The following IGF2BP3 variants were observed in gnomAD, a reference collection of about 807,000 sequenced individuals.
IGF2BP3 encodes insulin like growth factor 2 mRNA binding protein 3.
IGF2BP3 carries 9 observed loss-of-function variants against 73.8 expected under a neutral mutation model. That is an observed-to-expected ratio of 0.12 (90% confidence interval 0.07 to 0.21). IGF2BP3 has a LOEUF of 0.21. IGF2BP3 is among the 10% of genes least tolerant of loss of function. The pLI, the probability that IGF2BP3 is intolerant of heterozygous loss-of-function variation, is 1.00. For missense variants in IGF2BP3, 542 were observed against 714.0 expected, an observed-to-expected ratio of 0.76 and a Z score of 2.75; for synonymous variants, 258 against 256.7, an observed-to-expected ratio of 1.01 and a Z score of -0.05.
chr7:23,365,223 T>C (rs1785339654), intron 3 of IGF2BP3, among the ~76,000 whole-genome samples: 2 of 152,112 alleles, frequency 1.3e-5, no homozygotes, highest in Admixed American at 1.3e-4. Context: ...TTATAGCAAC[T>C]TGGATGGAGG....
intron 2 of IGF2BP3, among the ~76,000 whole-genome samples, chr7:23,423,433 G>C (rs1357628087): frequency 6.6e-6 from 1 of 152,166 alleles, no homozygotes; most frequent in Non-Finnish European, 1.5e-5. Context: ...TATTTTAATA[G>C]AGTGTTTCTA....
At chr7:23,440,871 A>G (rs1440329502) in intron 2 of IGF2BP3, among the ~76,000 whole-genome samples, 3 of 152,254 alleles carry the variant, frequency 2.0e-5, no homozygotes, top group Non-Finnish European at 4.4e-5. Context: ...AACCTTGAAC[A>G]TAAGAATACA....
Position 23,443,853 on chromosome 7 carries a change from C to T in IGF2BP3, c.236+24629G>A, listed in dbSNP as rs187094340. On this transcript the variant is annotated intron_variant, in intron 2 of 14. Coordinates refer to ENST00000258729, the MANE Select transcript of IGF2BP3 (RefSeq NM_006547.3). ...TGAAACCCCGTCTCTACTAAAAATA[C>T]AGAAAATTAGCCAGGCATGGTGGCA... Among the ~76,000 whole-genome samples, 768 of 151,230 alleles carry T rather than the reference C, an allele frequency of 5.1e-3. 2 individuals are homozygous for T. Among genetic ancestry groups the T allele is most frequent in the Non-Finnish European group, 8.0e-3 (542 of 67,890 alleles).
chr7:23,390,725 A>G (rs1002020668), intron 3 of IGF2BP3, among the ~76,000 whole-genome samples: 1 of 152,056 alleles, frequency 6.6e-6, no homozygotes, highest in African/African-American at 2.4e-5. Context: ...ACAACTGTAC[A>G]GCATACAACT....
intron 3 of IGF2BP3, among the ~76,000 whole-genome samples, chr7:23,373,524 C>A (rs868023982): frequency 6.6e-6 from 1 of 152,066 alleles, no homozygotes; most frequent in African/African-American, 2.4e-5. Context: ...ATTCAAGGGG[C>A]ATCATAAAAA....
chr7:23,444,740 C>T (rs1339405579), intron 2 of IGF2BP3, among the ~76,000 whole-genome samples: 17 of 91,442 alleles, frequency 1.9e-4, no homozygotes, highest in African/African-American at 7.9e-4. Context: ...AAGACTCTGT[C>T]TCAAAAAAAA....
At chr7:23,324,300 C>G (rs1388110863) in intron 10 of IGF2BP3, among the ~76,000 whole-genome samples, 3 of 151,680 alleles carry the variant, frequency 2.0e-5, no homozygotes, top group Admixed American at 2.0e-4. Flanking sequence ...CACCTCTACG[C>G]AAATAAACTA....
intron 2 of IGF2BP3, among the ~76,000 whole-genome samples, chr7:23,448,703 T>A (rs1464159604): frequency 6.6e-6 from 1 of 152,162 alleles, no homozygotes; most frequent in Non-Finnish European, 1.5e-5. Context: ...TGATCTCAGC[T>A]CAGTGCAGCC....
chr7:23,368,261 C>T (rs2128510463), intron 3 of IGF2BP3, among the ~76,000 whole-genome samples: 1 of 148,398 alleles, frequency 6.7e-6, no homozygotes, highest in Non-Finnish European at 1.5e-5. Context: ...ACAGACAGAC[C>T]TTGAAAGTAT....
chr7:23,325,538 C>T (rs1197028598), intron 10 of IGF2BP3, among the ~76,000 whole-genome samples: 1 of 152,180 alleles, frequency 6.6e-6, no homozygotes, highest in African/African-American at 2.4e-5. Context: ...CATCAAGCTA[C>T]CAATGACTTT....
At chr7:23,408,631 C>T (rs1786921837) in intron 3 of IGF2BP3, among the ~76,000 whole-genome samples, 1 of 152,128 alleles carries the variant, frequency 6.6e-6, no homozygotes, top group African/African-American at 2.4e-5. Flanking sequence ...ATTGCTATAA[C>T]ATCTTTTTCA....
At chr7:23,372,566 G>A (rs923161213) in intron 3 of IGF2BP3, among the ~76,000 whole-genome samples, 5 of 152,244 alleles carry the variant, frequency 3.3e-5, no homozygotes, top group Middle Eastern at 3.4e-3. Flanking sequence ...ATGAGTGAGA[G>A]CATACGACGT....
chr7:23,411,584 AAAGT>A (rs1244029340), intron 3 of IGF2BP3, among the ~76,000 whole-genome samples: 1 of 152,220 alleles, frequency 6.6e-6, no homozygotes, highest in Non-Finnish European at 1.5e-5. Flanking sequence ...GCTGTCTCAA[AAAGT>A]AAGTAAATAA....
chr7:23,411,614 T>C (rs1787023583), intron 3 of IGF2BP3, among the ~76,000 whole-genome samples: 1 of 152,176 alleles, frequency 6.6e-6, no homozygotes, highest in Non-Finnish European at 1.5e-5. Context: ...TTCTCAAATT[T>C]CTATTTGACA....
intron 3 of IGF2BP3, among the ~76,000 whole-genome samples, chr7:23,391,038 A>T (rs974756135): frequency 1.4e-5 from 2 of 147,622 alleles, no homozygotes; most frequent in Non-Finnish European, 3.0e-5. Context: ...GCCTCAAGTG[A>T]TCTGCCCGTC....
chr7:23,355,849 C>T (rs1785082697), intron 5 of IGF2BP3, among the ~76,000 whole-genome samples: 1 of 151,538 alleles, frequency 6.6e-6, no homozygotes, highest in African/African-American at 2.4e-5. Context: ...ATGAGAATTG[C>T]TTGAATCTGG....
chr7:23,329,603 T>C (rs1562676421), intron 10 of IGF2BP3, among the ~76,000 whole-genome samples: 3 of 152,232 alleles, frequency 2.0e-5, no homozygotes, highest in South Asian at 4.1e-4. Context: ...AGTTAATACA[T>C]TTATGATACC....
At chr7:23,336,887 G>C (rs1583902628) in intron 10 of IGF2BP3, among the ~76,000 whole-genome samples, 1 of 152,136 alleles carries the variant, frequency 6.6e-6, no homozygotes, top group African/African-American at 2.4e-5. Flanking sequence ...TGCGGAGTTT[G>C]CAGTGAACCG....
intron 12 of IGF2BP3, among the ~76,000 whole-genome samples, chr7:23,316,802 C>G (rs959388325): frequency 6.6e-6 from 1 of 151,600 alleles, no homozygotes; most frequent in Non-Finnish European, 1.5e-5. Flanking sequence ...AAATCATACA[C>G]TAAAAGGAAT....
Sources: allele counts gnomAD v4.1 joint callset (sites outside exome capture counted in the v4.1 genomes callset), GRCh38; gene constraint gnomAD v4.1.1; transcripts MANE v1.5; gene names NCBI Gene and HGNC (gene_info 2026-07-23, HGNC 2026-07-21).